The following CNTNAP4 variants were observed in gnomAD, a reference collection of about 807,000 sequenced individuals.
CNTNAP4 encodes the protein contactin associated protein family member 4.
In CNTNAP4, 98 loss-of-function variants were observed where a neutral mutation model predicts 148.4. The observed-to-expected ratio is 0.66, with a 90% confidence interval of 0.56 to 0.78. CNTNAP4 has a LOEUF of 0.78. CNTNAP4 is among the 30% of genes least tolerant of loss of function. CNTNAP4 has a pLI of 0.00. For synonymous variants in CNTNAP4, 730 were observed against 565.1 expected, an observed-to-expected ratio of 1.29 and a Z score of -4.14; for missense variants, 1,935 against 1,565.6, an observed-to-expected ratio of 1.24 and a Z score of -3.98.
intron 2 of CNTNAP4, among the ~76,000 whole-genome samples, chr16:76,351,468 T>A (rs1441203034): frequency 6.6e-6 from 1 of 152,172 alleles, no homozygotes; most frequent in Non-Finnish European, 1.5e-5. Flanking sequence ...TGTCTTAAAA[T>A]TAGAACAAGC....
At chr16:76,307,629 A>G (rs1960635169) in intron 1 of CNTNAP4, among the ~76,000 whole-genome samples, 1 of 151,078 alleles carries the variant, frequency 6.6e-6, no homozygotes. Flanking sequence ...ATATGGCCAA[A>G]TTATCTGTCA....
At chr16:76,390,547 A>T (rs141604827) in intron 3 of CNTNAP4, among the ~76,000 whole-genome samples, 14 of 149,430 alleles carry the variant, frequency 9.4e-5, no homozygotes, top group African/African-American at 3.2e-4. Context: ...ACTTAATGCT[A>T]TCTCTTCTGG....
chr16:76,454,251 A>G (rs959952247), intron 8 of CNTNAP4, among the ~76,000 whole-genome samples: 2 of 151,722 alleles, frequency 1.3e-5, no homozygotes, highest in South Asian at 2.1e-4. Context: ...AGTAACTGGG[A>G]TTACAGGCAT....
At chr16:76,426,366 G>C (rs2079403189) in intron 3 of CNTNAP4, among the ~76,000 whole-genome samples, 1 of 152,110 alleles carries the variant, frequency 6.6e-6, no homozygotes, top group African/African-American at 2.4e-5. Flanking sequence ...CTTATTTGTT[G>C]ACCCAGTCAT....
At chr16:76,344,558 T>A (rs538549666) in intron 2 of CNTNAP4, among the ~76,000 whole-genome samples, 1 of 152,202 alleles carries the variant, frequency 6.6e-6, no homozygotes, top group Non-Finnish European at 1.5e-5. Context: ...TGGTTGATAC[T>A]GTTTTCTTAG....
chr16:76,305,173 G>C (rs1960352712), intron 1 of CNTNAP4, among the ~76,000 whole-genome samples: 2 of 152,106 alleles, frequency 1.3e-5, no homozygotes, highest in Non-Finnish European at 2.9e-5. Flanking sequence ...CTAAATTTGT[G>C]AATTGATTTT....
At chr16:76,433,225 G>A (rs945417758) in intron 4 of CNTNAP4, among the ~76,000 whole-genome samples, 2 of 152,074 alleles carry the variant, frequency 1.3e-5, no homozygotes, top group African/African-American at 2.4e-5. Flanking sequence ...GTAAGCCTCA[G>A]GAATGCTTTC....
chr16:76,433,856 T>G (rs1187725637), intron 4 of CNTNAP4, among the ~76,000 whole-genome samples: 1 of 152,116 alleles, frequency 6.6e-6, no homozygotes, highest in Non-Finnish European at 1.5e-5. Flanking sequence ...ATATAGTAGC[T>G]GAGAAATACT....
chr16:76,352,156 C>T (rs1417528976), intron 2 of CNTNAP4, among the ~76,000 whole-genome samples: 1 of 151,940 alleles, frequency 6.6e-6, no homozygotes, highest in Non-Finnish European at 1.5e-5. Flanking sequence ...AAAAAAATGA[C>T]AAAAATACAG....
chr16:76,396,665 A>C (rs1285898098), intron 3 of CNTNAP4, among the ~76,000 whole-genome samples: 1 of 152,200 alleles, frequency 6.6e-6, no homozygotes, highest in Non-Finnish European at 1.5e-5. Context: ...CCTCACTCAC[A>C]GCTGACAGTG....
At chr16:76,463,244 C>A (rs1050710822) in intron 9 of CNTNAP4, among the ~76,000 whole-genome samples, 1 of 152,058 alleles carries the variant, frequency 6.6e-6, no homozygotes, top group East Asian at 1.9e-4. Flanking sequence ...AGAGCTTTTA[C>A]TTCAAAGGAA....
Position 76,553,348 on chromosome 16 carries a change from G to A in CNTNAP4, c.3508G>A (p.Ala1170Thr). The change falls in exon 22 of 24, where the codon GCA becomes ACA. Residue 1170 changes from alanine (A) to threonine (T), a missense_variant. Transcript: ENST00000611870. The part of the protein sequence containing the change: ...GAQGFTGCLS[A>T]VQLSHVAPLK... ...GCAGGGCTTCACAGGCTGCCTCTCT[G>A]CAGTGCAGCTCAGCCACGTGGCCCC... The A allele has an allele frequency of 1.2e-6, 2 of 1,612,952 alleles. No individual in the cohort carries two copies. Among genetic ancestry groups the A allele is most frequent in the African/African-American group, 1.3e-5 (1 of 75,026 alleles).
At chr16:76,370,406 G>A (rs1177038322) in intron 3 of CNTNAP4, among the ~76,000 whole-genome samples, 1 of 152,134 alleles carries the variant, frequency 6.6e-6, no homozygotes, top group Non-Finnish European at 1.5e-5. Context: ...TAGAATTATG[G>A]AAGCAGTGGG....
intron 1 of CNTNAP4, among the ~76,000 whole-genome samples, chr16:76,293,522 A>G (rs927105735): frequency 6.6e-6 from 1 of 152,220 alleles, no homozygotes; most frequent in Non-Finnish European, 1.5e-5. Context: ...GGTTTACACA[A>G]GTAACAAAAT....
chr16:76,416,099 T>C (rs970705858), intron 3 of CNTNAP4, among the ~76,000 whole-genome samples: 3 of 151,290 alleles, frequency 2.0e-5, no homozygotes, highest in Non-Finnish European at 4.4e-5. Flanking sequence ...GGCTCAATAT[T>C]GGTGACTTTG....
chr16:76,416,026 C>T (rs567809088), intron 3 of CNTNAP4, among the ~76,000 whole-genome samples: 1 of 150,726 alleles, frequency 6.6e-6, no homozygotes, highest in East Asian at 1.9e-4. Flanking sequence ...ATTTTTCCCC[C>T]TAATGTCTTA....
At chr16:76,293,635 T>A (rs1959175319) in intron 1 of CNTNAP4, among the ~76,000 whole-genome samples, 1 of 152,164 alleles carries the variant, frequency 6.6e-6, no homozygotes, top group African/African-American at 2.4e-5. Flanking sequence ...GTGACTGCAC[T>A]TAAGGGATCA....
intron 2 of CNTNAP4, among the ~76,000 whole-genome samples, chr16:76,323,429 G>C (rs1257293718): frequency 6.6e-6 from 1 of 151,958 alleles, no homozygotes; most frequent in African/African-American, 2.4e-5. Flanking sequence ...TGTATCACTT[G>C]TTCTAATAAA....
chr16:76,327,402 A>G (rs902637729), intron 2 of CNTNAP4, among the ~76,000 whole-genome samples: 2 of 152,160 alleles, frequency 1.3e-5, no homozygotes, highest in Non-Finnish European at 2.9e-5. Flanking sequence ...TTTTATGGCT[A>G]TGTAGTATTC....
Sources: allele counts gnomAD v4.1 joint callset (sites outside exome capture counted in the v4.1 genomes callset), GRCh38; gene constraint gnomAD v4.1.1; transcripts MANE v1.5; gene names NCBI Gene and HGNC (gene_info 2026-07-23, HGNC 2026-07-21).